The following THBS4 variants were observed in gnomAD, a reference collection of about 807,000 sequenced individuals.
THBS4 encodes the protein thrombospondin 4.
A neutral mutation model predicts 115.7 loss-of-function variants in THBS4; 90 were observed. The ratio of observed to expected loss-of-function variants is 0.78; its 90% CI spans 0.66 to 0.93. THBS4 has a LOEUF of 0.93. THBS4 is among the 40% of genes least tolerant of loss of function. The probability of loss-of-function intolerance (pLI) is 0.00; values close to 1 mark genes in which losing one functional copy is unlikely to be tolerated. For missense variants in THBS4, 1,087 were observed against 1,232.7 expected (o/e 0.88, Z 1.77); for synonymous variants, 460 against 479.3 (o/e 0.96, Z 0.53).
intron 9 of THBS4, 83 bp from the exon 10 acceptor site, chr5:80,067,890 A>G (rs766233784): frequency 2.9e-5 from 44 of 1,507,588 alleles, no homozygotes; most frequent in Non-Finnish European, 3.8e-5. Flanking sequence ...ACCTGTGAAA[A>G]TATACACAAT....
chr5:80,012,379 G>A (rs1245917392), intron 2 of THBS4, among the ~76,000 whole-genome samples: 1 of 152,148 alleles, frequency 6.6e-6, no homozygotes, highest in Non-Finnish European at 1.5e-5. Flanking sequence ...GGTAGTGTGG[G>A]CATCTAACCA....
chr5:80,081,188 G>GA (rs1309940169), intron 20 of THBS4, among the ~76,000 whole-genome samples: 2 of 152,060 alleles, frequency 1.3e-5, no homozygotes, highest in African/African-American at 2.4e-5. Flanking sequence ...CAGCCTTGTG[G>GA]AAAAAAGAAA....
intron 14 of THBS4, 109 bp downstream of exon 14, chr5:80,072,505 T>G (rs898445064): frequency 1.3e-5 from 13 of 975,272 alleles, no homozygotes; most frequent in Non-Finnish European, 1.9e-5. Flanking sequence ...TGTTGCCACT[T>G]ACCTAACAAA....
At chr5:80,064,579 A>G (rs1580968238) in intron 8 of THBS4, among the ~76,000 whole-genome samples, 1 of 152,216 alleles carries the variant, frequency 6.6e-6, no homozygotes, top group Admixed American at 6.5e-5. Context: ...ACACACAAAA[A>G]AATTAGCCGG....
At chr5:80,082,729 G>A (rs1406325257) in intron 21 of THBS4, among the ~76,000 whole-genome samples, 184 bp downstream of exon 21, 1 of 152,188 alleles carries the variant, frequency 6.6e-6, no homozygotes, top group African/African-American at 2.4e-5. Context: ...TTATCCATGT[G>A]GAAATTAAGA....
chr5:80,073,106 C>A (rs999664408), intron 14 of THBS4, among the ~76,000 whole-genome samples, 169 bp from the exon 15 acceptor site: 1 of 152,136 alleles, frequency 6.6e-6, no homozygotes, highest in Non-Finnish European at 1.5e-5. Flanking sequence ...TTTGAAAATT[C>A]AGCATTGTGC....
chr5:80,007,442 C>T (rs1013057882), intron 2 of THBS4, among the ~76,000 whole-genome samples: 1 of 152,214 alleles, frequency 6.6e-6, no homozygotes, highest in African/African-American at 2.4e-5. Context: ...GCAGGGGCAT[C>T]CCTGTGCCTC....
At chr5:80,016,200 CT>C (rs1368804506) in intron 2 of THBS4, among the ~76,000 whole-genome samples, 2 of 152,142 alleles carry the variant, frequency 1.3e-5, no homozygotes, top group Non-Finnish European at 2.9e-5. Context: ...GTGTTGATGT[CT>C]TTAATCAAGA....
intron 2 of THBS4, among the ~76,000 whole-genome samples, chr5:80,016,784 G>A (rs1832260679): frequency 6.6e-6 from 1 of 152,094 alleles, no homozygotes; most frequent in African/African-American, 2.4e-5. Context: ...AAAACCTCAA[G>A]CATAGACAAA....
In THBS4 at chr5:80,061,743, C is replaced by G; in HGVS notation, c.1036C>G (p.Pro346Ala). 1.2e-6 allele frequency: 2 copies of G among 1,614,116 alleles called. No individual in the cohort carries two copies. The highest frequency in any genetic ancestry group is 2.2e-5 in the South Asian group (2 of 91,072). The stretch of plus-strand genomic sequence containing the variant: ...GGGCGTGCACTGCATAAATTTGTCT[C>G]CTGGCTTCAGATGTGACGCCTGCCC... ...YPGVHCINLS[P>A]GFRCDACPVG... is the part of the protein sequence containing the mutation. The change falls in exon 8 of 22, where the codon CCT becomes GCT. Residue 346 changes from proline (P) to alanine (A), a missense_variant. Pro to Ala is a conservative substitution (Grantham distance 27). Coordinates refer to ENST00000350881, the MANE Select transcript of THBS4 (RefSeq NM_003248.6).
intron 2 of THBS4, among the ~76,000 whole-genome samples, chr5:80,010,963 G>A (rs955033595): frequency 1.3e-5 from 2 of 152,198 alleles, no homozygotes; most frequent in African/African-American, 2.4e-5. Flanking sequence ...GATGTGACCT[G>A]GAAATAGCAT....
At chr5:80,032,681 C>G (rs1390261333), upstream of THBS4, among the ~76,000 whole-genome samples, 4 of 152,194 alleles carry the variant, frequency 2.6e-5, no homozygotes, top group Admixed American at 6.5e-5. Flanking sequence ...CAGGAAGCAT[C>G]CAGCACAGAA....
intron 16 of THBS4, 33 bp downstream of exon 16, chr5:80,077,081 C>T (rs779688561): frequency 5.3e-6 from 8 of 1,505,350 alleles, no homozygotes; most frequent in Non-Finnish European, 5.3e-6. Flanking sequence ...TGCACAGCAC[C>T]CCTGGGCTCC....
At chr5:79,991,455 C>A in intron 1 of THBS4, 1 of 473,526 alleles carries the variant, frequency 2.1e-6, no homozygotes, top group Non-Finnish European at 3.7e-6. Context: ...AGTAATTCTT[C>A]AAATATTAAT....
chr5:80,070,311 A>G lies in THBS4; in HGVS notation c.1353A>G (p.Gly451=). ...GATGGGCTTTCCCTTTACAGTGTGG[A>G]GTCGGTTGGGCTGGAGATGGCTATA... ...ERQGDVTCVC[G]VGWAGDGYIC... is the part of the protein sequence containing the mutation. Residue 451 remains glycine (G), a synonymous_variant, in exon 11 of 22, where the codon GGA becomes GGG. Coordinates refer to ENST00000350881, the MANE Select transcript of THBS4 (RefSeq NM_003248.6). 2 of 1,581,308 alleles carry G rather than the reference A, an allele frequency of 1.3e-6. No homozygotes were observed. The highest frequency in any genetic ancestry group is 1.7e-4 in the Middle Eastern group (1 of 5,800).
At chr5:80,033,990 G>C (rs1483717177), upstream of THBS4, among the ~76,000 whole-genome samples, 1 of 152,162 alleles carries the variant, frequency 6.6e-6, no homozygotes, top group Non-Finnish European at 1.5e-5. Context: ...AGAAAGGCAA[G>C]GCTGTTCTGC....
Position 80,061,798 on chromosome 5 carries a change from GT to G in THBS4, c.1092del (p.Val365LeufsTer51). 6.2e-7 allele frequency: 1 copy of G among 1,613,210 alleles called. No homozygotes were observed. Among genetic ancestry groups the G allele is most frequent in the Non-Finnish European group, 8.5e-7 (1 of 1,179,784 alleles). ...GGCTTCACAGGGCCCATGGTGCAGG[GT>G]GTTGGGATCAGTTTTGCCAAGTCAA... ...PVGFTGPMVQ[G>X]VGISFAKSNK... On this transcript the variant is annotated frameshift_variant, in exon 8 of 22. Transcript: ENST00000350881. LOFTEE classifies it high-confidence loss of function.
intron 15 of THBS4, among the ~76,000 whole-genome samples, chr5:80,073,869 A>G (rs1044807306): frequency 1.3e-5 from 2 of 152,118 alleles, no homozygotes; most frequent in African/African-American, 4.8e-5. Context: ...AGCAAGTGAG[A>G]TCTATTTCAG....
chr5:80,010,809 A>G (rs904617836), intron 2 of THBS4, among the ~76,000 whole-genome samples: 1 of 152,264 alleles, frequency 6.6e-6, no homozygotes, highest in Non-Finnish European at 1.5e-5. Context: ...GGATGAGACC[A>G]GATATTGGCT....
Sources: gnomAD v4.1 joint callset for allele counts (sites outside exome capture counted in the v4.1 genomes callset) on GRCh38, gnomAD v4.1.1 for gene constraint, MANE v1.5 for transcripts, NCBI Gene and HGNC (gene_info 2026-07-23, HGNC 2026-07-21) for gene names.